HEXIM2: variants seen among roughly 807,000 people sequenced by gnomAD.
HEXIM2 encodes HEXIM P-TEFb complex subunit 2, also known as protein HEXIM2.
For synonymous variants in HEXIM2, 159 were observed against 162.7 expected (o/e 0.98, Z 0.17); for missense variants, 413 against 390.8 (o/e 1.06, Z -0.48).
chr17:45,161,204 C>A, upstream of HEXIM2: 1 of 356,618 alleles, frequency 2.8e-6, no homozygotes, highest in East Asian at 7.4e-5. Flanking sequence ...CAGAGGGAAG[C>A]CGTTTCACCA....
At chr17:45,162,899 A>G (rs1567926638) in intron 3 of HEXIM2, 40 bp downstream of exon 3, 3 of 1,315,108 alleles carry the variant, frequency 2.3e-6, no homozygotes, top group Non-Finnish European at 2.2e-6. Flanking sequence ...CACCACGAGC[A>G]CGGGTCCCAC....
rs2042729062 is a variant in HEXIM2 at position 45,162,609 on chromosome 17, C to T, written c.-71C>T. 2.1e-6 allele frequency: 3 copies of T among 1,432,602 alleles called. No individual in the cohort carries two copies. The East Asian group carries it at 7.8e-5, about 37-fold the overall frequency. 88.7% of individuals were successfully genotyped at this position (1,432,602 alleles called of 1,614,324 possible). A position where few individuals can be genotyped will look rare whatever the true frequency, so the allele number is the denominator to read the frequency against. On this transcript the variant is annotated 5_prime_UTR_variant, in exon 2 of 4. Transcript: ENST00000589230. ...TGTGAAAACCAGCGGTGGAGGCAGC[C>T]TTCGGGGCCTGCATTTGAGAATAAG...
chr17:45,161,803 C>A (rs2042702574), upstream of HEXIM2: 4 of 984,284 alleles, frequency 4.1e-6, no homozygotes, highest in Non-Finnish European at 4.8e-6. Context: ...TGGCTGTTGA[C>A]GTTACAGGCC....
chr17:45,168,981 C>G (rs749621054), intron 3 of HEXIM2, 34 bp from the exon 4 acceptor site: 1 of 1,556,368 alleles, frequency 6.4e-7, no homozygotes, highest in Admixed American at 1.8e-5. Context: ...GACAGGCTGT[C>G]TGATCCATCC....
upstream of HEXIM2, chr17:45,161,643 G>A (rs2042696517): frequency 6.4e-6 from 1 of 157,236 alleles, no homozygotes. Flanking sequence ...AATTGAGTTC[G>A]GAGAAGGCGG....
chr17:45,169,111 G>C lies in HEXIM2; in HGVS notation c.163G>C (p.Asp55His), dbSNP rs779522379. The change falls in exon 4 of 4, where the codon GAT becomes CAT. Residue 55 changes from aspartate (D) to histidine (H), a missense_variant. By Grantham distance (81) the Asp-to-His change is moderately conservative. Coordinates refer to ENST00000589230, the MANE Select transcript of HEXIM2 (RefSeq NM_001303441.2). ...LTPRMESHSE[D>H]EDLAGAVGGL... The stretch of plus-strand genomic sequence containing the variant: ...ACCGCGGATGGAGAGCCACTCAGAG[G>C]ATGAAGATCTTGCTGGGGCTGTCGG... The C allele has an allele frequency of 1.9e-6, 3 of 1,614,064 alleles. No homozygotes were observed. Among genetic ancestry groups the C allele is most frequent in the Middle Eastern group, 1.6e-4 (1 of 6,062 alleles).
At chr17:45,160,207 A>C (rs1171866958), upstream of HEXIM2, among the ~76,000 whole-genome samples, 3 of 152,184 alleles carry the variant, frequency 2.0e-5, no homozygotes, top group East Asian at 5.8e-4. Context: ...CTATAATGTA[A>C]GGTTAAGAGT....
intron 3 of HEXIM2, among the ~76,000 whole-genome samples, chr17:45,166,005 C>G (rs1427530854): frequency 6.6e-6 from 1 of 152,044 alleles, no homozygotes; most frequent in Non-Finnish European, 1.5e-5. Flanking sequence ...CCATGTTGGT[C>G]AGGCTGGTCT....
Position 45,169,542 on chromosome 17 carries a change from AC to A in HEXIM2, c.595del (p.Arg199AlafsTer119), listed in dbSNP as rs755168877. On this transcript the variant is annotated frameshift_variant, in exon 4 of 4. Coordinates refer to ENST00000589230, the MANE Select transcript of HEXIM2 (RefSeq NM_001303441.2). LOFTEE classifies it low-confidence loss of function (END_TRUNC). Reference sequence around the variant, plus strand: ...GGAAGGACTTCTCTGAGACTTACGAACGCTTCCACACCGAGAGCCTGCAGGG... The same window carrying A: ...GGAAGGACTTCTCTGAGACTTACGAAGCTTCCACACCGAGAGCCTGCAGGG... The part of the protein sequence containing the change: ...QRKDFSETYE[R>X]FHTESLQGRS... The A allele has an allele frequency of 6.4e-7, 1 of 1,572,948 alleles. No individual in the cohort carries two copies. Among genetic ancestry groups the A allele is most frequent in the South Asian group, 1.2e-5 (1 of 86,674 alleles).
upstream of HEXIM2, chr17:45,161,730 A>C (rs2042699055): frequency 1.7e-6 from 1 of 585,102 alleles, no homozygotes; most frequent in African/African-American, 2.0e-5. Flanking sequence ...CAATCAAAGA[A>C]GGCAGTGATG....
rs1212892506 is a variant in HEXIM2 at position 45,162,959 on chromosome 17, C to G, written c.66+100C>G. ...CAGATGTGTTGGTAGATTTGGAAAA[C>G]CAGTATTTTGACGAATCAGTACTAT... On this transcript the variant is annotated intron_variant, in intron 3 of 3. Transcript: ENST00000589230. 9.6e-6 allele frequency: 8 copies of G among 835,316 alleles called. No homozygotes were observed. In the African/African-American group the frequency reaches 1.3e-4, roughly 14 times the overall value. The allele number at this position is 835,316 out of a possible 1,614,324, so 51.7% of individuals were successfully genotyped here.
chr17:45,165,146 G>T (rs2042804126), intron 3 of HEXIM2, among the ~76,000 whole-genome samples: 1 of 152,154 alleles, frequency 6.6e-6, no homozygotes, highest in Admixed American at 6.5e-5. Context: ...CAGTGGCCTT[G>T]CCTGTCCCAG....
upstream of HEXIM2, among the ~76,000 whole-genome samples, chr17:45,160,443 T>C (rs1243666833): frequency 6.6e-6 from 1 of 152,144 alleles, no homozygotes; most frequent in Non-Finnish European, 1.5e-5. Flanking sequence ...TGGAAAGATT[T>C]TGTAGTCTTA....
Position 45,169,360 on chromosome 17 carries a change from G to C in HEXIM2, c.412G>C (p.Val138Leu), listed in dbSNP as rs1195957237. ...REEMFAKGQP[V>L]APYNTTQFLM... ...AGAGATGTTCGCCAAAGGCCAGCCC[G>C]TGGCCCCCTACAACACCACCCAGTT... is the stretch of plus-strand genomic sequence containing the variant. Residue 138 changes from valine to leucine, a missense_variant, in exon 4 of 4, where the codon GTG (valine) becomes CTG (leucine). Val to Leu is a conservative substitution (Grantham distance 32). Transcript: ENST00000589230. 1.2e-6 allele frequency: 2 copies of C among 1,613,922 alleles called. No individual in the cohort carries two copies. Among genetic ancestry groups the C allele is most frequent in the South Asian group, 2.2e-5 (2 of 91,082 alleles).
At position 45,169,425 on chromosome 17, in the gene HEXIM2, T is replaced by C. The variant is rs1222535013; in HGVS notation, c.477T>C (p.Asp159=). 2.5e-6 allele frequency: 4 copies of C among 1,613,804 alleles called. No individual in the cohort carries two copies. In the East Asian group the frequency reaches 8.9e-5, roughly 36 times the overall value. The change falls in exon 4 of 4, where the codon GAT becomes GAC. Residue 159 remains aspartate, a synonymous_variant. Coordinates refer to ENST00000589230, the MANE Select transcript of HEXIM2 (RefSeq NM_001303441.2). The stretch of plus-strand genomic sequence containing the variant: ...GGGACCCGGAGGAGCCCAACTTGGA[T>C]GTGCCCCATGGGATCTCCCACCCAG... The part of the protein sequence containing the change: ...NDRDPEEPNL[D]VPHGISHPGS...
chr17:45,161,281 G>A (rs979709182), upstream of HEXIM2: 2 of 321,108 alleles, frequency 6.2e-6, no homozygotes, highest in African/African-American at 2.2e-5. Context: ...CTCTGTGAGA[G>A]GCGAGGCTGC....
Position 45,169,597 on chromosome 17 carries a change from T to A in HEXIM2, c.649T>A (p.Tyr217Asn), listed in dbSNP as rs1228265861. 1.3e-6 allele frequency: 2 copies of A among 1,541,368 alleles called. No homozygotes were observed. The highest frequency in any genetic ancestry group is 1.8e-6 in the Non-Finnish European group (2 of 1,142,582). Residue 217 changes from tyrosine (Y) to asparagine (N), a missense_variant, in exon 4 of 4, where the codon TAC (tyrosine) becomes AAC (asparagine). Transcript: ENST00000589230. ...GRSKQELVRD[Y>N]LELEKRLSQA... Reference sequence around the variant, plus strand: ...CAGCAAGCAGGAGCTGGTGCGAGACTACCTGGAGCTGGAGAAGCGGCTGTC... The same window carrying A: ...CAGCAAGCAGGAGCTGGTGCGAGACAACCTGGAGCTGGAGAAGCGGCTGTC...
At chr17:45,163,045 C>T (rs1482795358) in intron 3 of HEXIM2, among the ~76,000 whole-genome samples, 186 bp downstream of exon 3, 5 of 152,170 alleles carry the variant, frequency 3.3e-5, no homozygotes, top group East Asian at 1.9e-4. Flanking sequence ...AGTAACTGGC[C>T]GGGTGCGGTG....
chr17:45,161,450 G>C (rs2144036368), upstream of HEXIM2: 1 of 170,422 alleles, frequency 5.9e-6, no homozygotes, highest in East Asian at 1.6e-4. Context: ...CCCCCCACGG[G>C]GTGCTCTCAC....
Sources: gnomAD v4.1 joint callset for allele counts (sites outside exome capture counted in the v4.1 genomes callset) on GRCh38, gnomAD v4.1.1 for gene constraint, MANE v1.5 for transcripts, NCBI Gene and HGNC (gene_info 2026-07-23, HGNC 2026-07-21) for gene names.